The following LRRC4C variants were observed in gnomAD, a reference collection of about 807,000 sequenced individuals.
LRRC4C encodes the protein leucine-rich repeat-containing protein 4C.
A neutral mutation model predicts 33.6 loss-of-function variants in LRRC4C; 5 were observed. The observed-to-expected ratio is 0.15, with a 90% CI of 0.08 to 0.31. The LOEUF (loss-of-function observed/expected upper bound fraction) is 0.31, where lower values mean the gene tolerates loss of function less well. Among genes scored for constraint, LRRC4C ranks in the 10% least tolerant of loss-of-function variants. The pLI is 1.00. For missense variants in LRRC4C, 560 were observed against 796.7 expected (o/e 0.70, Z 3.58); for synonymous variants, 329 against 302.0 (o/e 1.09, Z -0.93).
chr11:41,212,387 A>G (rs1946858360), intron 1 of LRRC4C, among the ~76,000 whole-genome samples: 1 of 152,240 alleles, frequency 6.6e-6, no homozygotes, highest in Non-Finnish European at 1.5e-5. Flanking sequence ...CTTAAACACA[A>G]CACCTTTTAA....
At chr11:41,214,315 A>C (rs1329129212) in intron 1 of LRRC4C, among the ~76,000 whole-genome samples, 2 of 152,112 alleles carry the variant, frequency 1.3e-5, no homozygotes, top group Non-Finnish European at 2.9e-5. Context: ...CCTGAAGTAC[A>C]CTTCCAGGTC....
At chr11:40,427,742 A>G (rs1279083892) in intron 3 of LRRC4C, among the ~76,000 whole-genome samples, 1 of 152,098 alleles carries the variant, frequency 6.6e-6, no homozygotes, top group African/African-American at 2.4e-5. Flanking sequence ...AGGTGGGAGG[A>G]TCACTTGAGT....
intron 1 of LRRC4C, among the ~76,000 whole-genome samples, chr11:41,023,152 C>T (rs1038004542): frequency 3.3e-5 from 5 of 151,656 alleles, no homozygotes; most frequent in African/African-American, 1.2e-4. Context: ...CAAGCCCTGG[C>T]CCTGTCTTTT....
intron 5 of LRRC4C, among the ~76,000 whole-genome samples, chr11:40,194,082 A>T (rs1236555487): frequency 6.6e-6 from 1 of 152,162 alleles, no homozygotes; most frequent in East Asian, 1.9e-4. Context: ...ACAGGCCAAC[A>T]TTCAAATTCA....
At chr11:40,405,263 A>G (rs966072015) in intron 3 of LRRC4C, among the ~76,000 whole-genome samples, 2 of 151,920 alleles carry the variant, frequency 1.3e-5, no homozygotes, top group African/African-American at 4.8e-5. Context: ...CAAAGGGGAG[A>G]ATATCCTCCT....
intron 2 of LRRC4C, among the ~76,000 whole-genome samples, chr11:40,806,210 T>G (rs1213513579): frequency 6.6e-6 from 1 of 152,224 alleles, no homozygotes; most frequent in East Asian, 1.9e-4. Flanking sequence ...AGATTAGAAT[T>G]ATCTGAAGGA....
chr11:40,353,219 C>CTTTTTTTTTTAGATTATTTTTT lies in LRRC4C; in HGVS notation c.-269-33499_-269-33498insAAAAAATAATCTAAAAAAAAAA, dbSNP rs1312655550. 1.5e-3 allele frequency among the ~76,000 whole-genome samples: 221 copies of CTTTTTTTTTTAGATTATTTTTT among 151,950 alleles called. 1 individual carries two copies. The highest frequency in any genetic ancestry group is 5.1e-3 in the African/African-American group (213 of 41,436). On this transcript the variant is annotated intron_variant, in intron 3 of 6. Transcript: ENST00000528697. ...TTAGGTCAATATCTCTTAGATTTGC[C>CTTTTTTTTTTAGATTATTTTTT]TTTTTAGATTATTTTCTAGATTTTT...
intron 2 of LRRC4C, among the ~76,000 whole-genome samples, chr11:40,872,096 G>A (rs948099577): frequency 6.6e-6 from 1 of 152,090 alleles, no homozygotes; most frequent in Non-Finnish European, 1.5e-5. Flanking sequence ...AGTTTCCTGT[G>A]TGAAGGATGC....
chr11:40,928,979 G>A (rs1339527108), intron 2 of LRRC4C, among the ~76,000 whole-genome samples: 1 of 151,950 alleles, frequency 6.6e-6, no homozygotes, highest in Admixed American at 6.6e-5. Context: ...CATTCTACAA[G>A]GTTAAATTTA....
intron 3 of LRRC4C, among the ~76,000 whole-genome samples, chr11:40,411,579 T>C (rs1247592570): frequency 1.3e-5 from 2 of 152,084 alleles, no homozygotes; most frequent in East Asian, 1.9e-4. Flanking sequence ...GCTGAATGGA[T>C]AGTGTGGAGT....
At chr11:41,386,022 A>C (rs1953346068) in intron 1 of LRRC4C, among the ~76,000 whole-genome samples, 1 of 151,678 alleles carries the variant, frequency 6.6e-6, no homozygotes, top group Admixed American at 6.6e-5. Context: ...ATAGATATTT[A>C]TAATATTTAA....
intron 1 of LRRC4C, among the ~76,000 whole-genome samples, chr11:41,082,425 C>A (rs979851154): frequency 7.6e-6 from 1 of 130,946 alleles, no homozygotes; most frequent in Non-Finnish European, 1.6e-5. Flanking sequence ...TCAAATCTCA[C>A]GCTTTTTTTT....
At chr11:40,623,300 T>G (rs768498364) in intron 3 of LRRC4C, among the ~76,000 whole-genome samples, 1 of 151,942 alleles carries the variant, frequency 6.6e-6, no homozygotes, top group Non-Finnish European at 1.5e-5. Context: ...TTTCATTAAA[T>G]AAGAGTTATA....
chr11:41,154,126 A>C (rs1260119564), intron 1 of LRRC4C, among the ~76,000 whole-genome samples: 1 of 152,176 alleles, frequency 6.6e-6, no homozygotes, highest in African/African-American at 2.4e-5. Flanking sequence ...TGTTTCAAGA[A>C]ACCAAGTTTG....
intron 1 of LRRC4C, among the ~76,000 whole-genome samples, chr11:41,247,521 TA>T (rs1191950785): frequency 1.3e-5 from 2 of 152,220 alleles, no homozygotes; most frequent in Non-Finnish European, 2.9e-5. Flanking sequence ...ATTTTAGTAC[TA>T]AAAAATAAGT....
chr11:40,737,943 C>T (rs996435121), intron 2 of LRRC4C, among the ~76,000 whole-genome samples: 16 of 152,014 alleles, frequency 1.1e-4, no homozygotes, highest in African/African-American at 3.1e-4. Context: ...ACAAAGCTGG[C>T]GGCATCATGC....
At chr11:41,366,054 C>A (rs944927554) in intron 1 of LRRC4C, among the ~76,000 whole-genome samples, 5 of 151,934 alleles carry the variant, frequency 3.3e-5, no homozygotes, top group Admixed American at 2.6e-4. Context: ...ATTAAATAAA[C>A]CTTTTTTTTT....
intron 3 of LRRC4C, among the ~76,000 whole-genome samples, chr11:40,585,101 T>G (rs1219349263): frequency 6.6e-6 from 1 of 152,252 alleles, no homozygotes; most frequent in South Asian, 2.1e-4. Flanking sequence ...ACAGGTATGG[T>G]TGGCCTATGC....
At position 41,084,378 on chromosome 11, in the gene LRRC4C, A is replaced by G. The variant is rs779793701; in HGVS notation, c.-495-150655T>C. On this transcript the variant is annotated intron_variant, in intron 1 of 6. Transcript: ENST00000528697. ...GGAGACTTCAATAGTTTCTGTCTCT[A>G]AGGCTTGCTGTGAGGGTGAAAGAAG... is the stretch of plus-strand genomic sequence containing the variant. Among the ~76,000 whole-genome samples the G allele has an allele frequency of 5.4e-4, 82 of 152,140 alleles. 2 individuals are homozygous for G. Among genetic ancestry groups the G allele is most frequent in the Non-Finnish European group, 2.4e-4 (16 of 68,022 alleles).
Sources: allele counts gnomAD v4.1 joint callset (sites outside exome capture counted in the v4.1 genomes callset), GRCh38; gene constraint gnomAD v4.1.1; transcripts MANE v1.5; gene names NCBI Gene and HGNC (gene_info 2026-07-23, HGNC 2026-07-21).